LRFN5: variants seen among roughly 807,000 people sequenced by gnomAD.
LRFN5 encodes leucine rich repeat and fibronectin type III domain containing 5, also known as leucine-rich repeat and fibronectin type-III domain-containing protein 5.
LRFN5 carries 24 observed loss-of-function variants against 45.6 expected under a neutral mutation model. The ratio of observed to expected loss-of-function variants is 0.53; its 90% CI spans 0.38 to 0.74. The LOEUF is 0.74. LRFN5 is among the 30% of genes least tolerant of loss of function. The pLI is 0.00. For synonymous variants in LRFN5, 340 were observed against 313.8 expected, an observed-to-expected ratio of 1.08 and a Z score of -0.88; for missense variants, 776 against 861.5, an observed-to-expected ratio of 0.90 and a Z score of 1.24.
intron 2 of LRFN5, among the ~76,000 whole-genome samples, chr14:41,857,340 G>A (rs1358832099): frequency 6.6e-6 from 1 of 151,940 alleles, no homozygotes; most frequent in African/African-American, 2.4e-5. Flanking sequence ...TAATAATACT[G>A]TTTCCCTGGA....
intron 1 of LRFN5, among the ~76,000 whole-genome samples, chr14:41,684,268 G>C (rs1268595631): frequency 3.3e-5 from 5 of 152,116 alleles, no homozygotes; most frequent in Non-Finnish European, 5.9e-5. Flanking sequence ...ATCTCTTGCT[G>C]TATTATTCCA....
At chr14:41,679,078 A>C (rs1429032995) in intron 1 of LRFN5, among the ~76,000 whole-genome samples, 4 of 152,036 alleles carry the variant, frequency 2.6e-5, no homozygotes, top group African/African-American at 7.3e-5. Context: ...GCCAGAGGGG[A>C]ATCATCAATC....
chr14:41,666,647 T>G, intron 1 of LRFN5, among the ~76,000 whole-genome samples: 1 of 152,154 alleles, frequency 6.6e-6, no homozygotes, highest in African/African-American at 2.4e-5. Flanking sequence ...TTCATTCTTT[T>G]AAGGTTTCAA....
chr14:41,831,929 G>T, intron 2 of LRFN5, among the ~76,000 whole-genome samples: 1 of 152,076 alleles, frequency 6.6e-6, no homozygotes, highest in East Asian at 1.9e-4. Context: ...CTGGCTTACA[G>T]ATGTCCACCT....
chr14:41,740,437 A>C (rs1251139073), intron 1 of LRFN5, among the ~76,000 whole-genome samples: 2 of 152,040 alleles, frequency 1.3e-5, no homozygotes, highest in African/African-American at 4.8e-5. Context: ...GAAGAAGAAA[A>C]TCATATGATA....
At chr14:41,710,255 TACTGACCAAG>T (rs1213264701) in intron 1 of LRFN5, among the ~76,000 whole-genome samples, 1 of 152,156 alleles carries the variant, frequency 6.6e-6, no homozygotes, top group Non-Finnish European at 1.5e-5. Context: ...CAATTTTAGA[TACTGACCAAG>T]AGTCTCAGTC....
At chr14:41,790,379 A>C (rs1306701673) in intron 2 of LRFN5, among the ~76,000 whole-genome samples, 4 of 151,696 alleles carry the variant, frequency 2.6e-5, no homozygotes, top group Non-Finnish European at 5.9e-5. Context: ...TGTCCTTTAA[A>C]GGTACTACTA....
chr14:41,752,869 G>C (rs1566652764), intron 1 of LRFN5, among the ~76,000 whole-genome samples: 2 of 152,090 alleles, frequency 1.3e-5, no homozygotes, highest in African/African-American at 4.8e-5. Context: ...GTAATGCCTA[G>C]GTTTTCTTCT....
chr14:41,664,441 T>G (rs1307600756), intron 1 of LRFN5, among the ~76,000 whole-genome samples: 1 of 151,986 alleles, frequency 6.6e-6, no homozygotes, highest in Admixed American at 6.6e-5. Context: ...CTCACCAGTT[T>G]GAGAATTAAC....
intron 2 of LRFN5, among the ~76,000 whole-genome samples, chr14:41,854,483 A>G (rs1889384763): frequency 6.6e-6 from 1 of 152,146 alleles, no homozygotes; most frequent in Non-Finnish European, 1.5e-5. Context: ...CACATTGTGC[A>G]CATGTACCCT....
chr14:41,855,381 C>T (rs992221052), intron 2 of LRFN5, among the ~76,000 whole-genome samples: 1 of 152,044 alleles, frequency 6.6e-6, no homozygotes, highest in Non-Finnish European at 1.5e-5. Context: ...AGATAATGAG[C>T]CTTACTGTTT....
chr14:41,863,848 A>G (rs957135388), intron 2 of LRFN5, among the ~76,000 whole-genome samples: 1 of 151,570 alleles, frequency 6.6e-6, no homozygotes, highest in Non-Finnish European at 1.5e-5. Flanking sequence ...CCAACCCCCA[A>G]CAGGCCCCGG....
At chr14:41,627,015 T>C (rs1204479738) in intron 1 of LRFN5, among the ~76,000 whole-genome samples, 1 of 152,132 alleles carries the variant, frequency 6.6e-6, no homozygotes, top group Non-Finnish European at 1.5e-5. Flanking sequence ...AATACTTAAA[T>C]CATATCTTTG....
chr14:41,774,160 G>A (rs1399447162), intron 2 of LRFN5, among the ~76,000 whole-genome samples: 2 of 152,184 alleles, frequency 1.3e-5, no homozygotes, highest in African/African-American at 4.8e-5. Flanking sequence ...TTAGATGCAT[G>A]ACAACAATCT....
intron 1 of LRFN5, among the ~76,000 whole-genome samples, chr14:41,694,603 A>G (rs1200526787): frequency 2.0e-5 from 3 of 151,840 alleles, no homozygotes; most frequent in African/African-American, 7.2e-5. Flanking sequence ...GCTGTGTTTC[A>G]CAGATATTCT....
intron 1 of LRFN5, among the ~76,000 whole-genome samples, chr14:41,734,313 G>GTT (rs1491261101): frequency 8.0e-5 from 1 of 12,442 alleles, no homozygotes; most frequent in Non-Finnish European, 2.4e-4. Flanking sequence ...TCCTGGACTG[G>GTT]TTTTATATAT....
At chr14:41,705,205 C>G (rs188218757) in intron 1 of LRFN5, among the ~76,000 whole-genome samples, 123 of 152,062 alleles carry the variant, frequency 8.1e-4, no homozygotes, top group African/African-American at 2.8e-3. Context: ...AATCCCCAAA[C>G]TAAACAATGT....
In LRFN5 at chr14:41,888,021, T is replaced by G. The variant is rs749831254; in HGVS notation, c.1385+11T>G. The G allele has an allele frequency of 1.3e-6, 2 of 1,564,606 alleles. No homozygotes were observed. The highest frequency in any genetic ancestry group is 2.4e-5 in the South Asian group (2 of 82,480). Reference sequence around the variant, plus strand: ...CACCCTTGTTTACAGGTAAGAAAAATTGAGCAAATTTGTATACTTACCATG... The same window carrying G: ...CACCCTTGTTTACAGGTAAGAAAAAGTGAGCAAATTTGTATACTTACCATG... On this transcript the variant is annotated intron_variant, in intron 3 of 5. Transcript: ENST00000298119.
intron 4 of LRFN5, among the ~76,000 whole-genome samples, chr14:41,896,695 A>G (rs1262037477): frequency 1.3e-5 from 2 of 152,186 alleles, no homozygotes; most frequent in African/African-American, 4.8e-5. Context: ...CGCTGGGATT[A>G]TTAATAAAAT....
Sources: gnomAD v4.1 joint callset for allele counts (sites outside exome capture counted in the v4.1 genomes callset) on GRCh38, gnomAD v4.1.1 for gene constraint, MANE v1.5 for transcripts, NCBI Gene and HGNC (gene_info 2026-07-23, HGNC 2026-07-21) for gene names.